Variants in MGAT4C observed in about 807,000 individuals in gnomAD.
MGAT4C encodes the protein MGAT4 family member C.
A neutral mutation model predicts 40.1 loss-of-function variants in MGAT4C; 19 were observed. The observed-to-expected ratio is 0.47, with a 90% confidence interval of 0.33 to 0.70. MGAT4C has a LOEUF of 0.70. Ranked by LOEUF, MGAT4C falls within the 30% of genes least tolerant of loss-of-function variation. The pLI is 0.02. For missense variants in MGAT4C, 491 were observed against 563.2 expected (o/e 0.87, Z 1.30); for synonymous variants, 181 against 187.1 (o/e 0.97, Z 0.27).
Position 86,244,344 on chromosome 12 carries a change from C to T in MGAT4C, c.-57+11895G>A, listed in dbSNP as rs59703999. Reference sequence around the variant, plus strand: ...CAACACCATTGGGGCAGGAGACAGACAGGGATTAGTGAAGGGGTGGGTTTC... The same window carrying T: ...CAACACCATTGGGGCAGGAGACAGATAGGGATTAGTGAAGGGGTGGGTTTC... On this transcript the variant is annotated intron_variant, in intron 1 of 4. Transcript: ENST00000611864. Among the ~76,000 whole-genome samples the T allele has an allele frequency of 2.1e-4, 32 of 152,286 alleles. No homozygotes were observed. In the East Asian group the frequency reaches 5.6e-3, roughly 27 times the overall value.
At chr12:86,749,350 A>C (rs1331256580) in intron 1 of MGAT4C, among the ~76,000 whole-genome samples, 1 of 151,694 alleles carries the variant, frequency 6.6e-6, no homozygotes, top group African/African-American at 2.4e-5. Context: ...ATATTGCATT[A>C]ATTTGCATAA....
At chr12:86,412,350 G>A (rs557542612) in intron 3 of MGAT4C, among the ~76,000 whole-genome samples, 1 of 152,330 alleles carries the variant, frequency 6.6e-6, no homozygotes, top group East Asian at 1.9e-4. Flanking sequence ...CATAGGGGCT[G>A]AGCCATGTAG....
chr12:86,089,924 T>C (rs1211045631), intron 1 of MGAT4C, among the ~76,000 whole-genome samples: 2 of 151,798 alleles, frequency 1.3e-5, no homozygotes, highest in African/African-American at 4.8e-5. Flanking sequence ...TAAAATGCAC[T>C]ATAAACATAT....
At chr12:86,307,706 T>G (rs1165600702) in intron 4 of MGAT4C, among the ~76,000 whole-genome samples, 1 of 150,268 alleles carries the variant, frequency 6.7e-6, no homozygotes. Flanking sequence ...TTTATTTTAT[T>G]TATTTATTTT....
chr12:86,278,437 C>T (rs1566253236), intron 4 of MGAT4C, among the ~76,000 whole-genome samples: 2 of 152,028 alleles, frequency 1.3e-5, no homozygotes, highest in South Asian at 2.1e-4. Flanking sequence ...CCTCGGCCTC[C>T]CAAAGTGCTG....
intron 2 of MGAT4C, among the ~76,000 whole-genome samples, chr12:86,014,445 C>T (rs1364562951): frequency 6.6e-6 from 1 of 152,104 alleles, no homozygotes; most frequent in African/African-American, 2.4e-5. Context: ...AGGTAACAAT[C>T]CTGCCTTGCT....
intron 1 of MGAT4C, among the ~76,000 whole-genome samples, chr12:86,791,485 G>A (rs1285074970): frequency 6.6e-6 from 1 of 151,616 alleles, no homozygotes; most frequent in Non-Finnish European, 1.5e-5. Flanking sequence ...AAGAGTGAGG[G>A]CAGGTTGTGG....
chr12:86,530,235 T>G (rs774354680), intron 2 of MGAT4C, among the ~76,000 whole-genome samples: 6 of 151,952 alleles, frequency 3.9e-5, no homozygotes, highest in Admixed American at 2.0e-4. Flanking sequence ...CCCCTTATAA[T>G]CCTTGGCATT....
At chr12:86,477,765 G>GC (rs1957864060) in intron 2 of MGAT4C, among the ~76,000 whole-genome samples, 2 of 151,828 alleles carry the variant, frequency 1.3e-5, no homozygotes, top group Admixed American at 1.3e-4. Flanking sequence ...CCCACAACAG[G>GC]CCCCGGTGTG....
At chr12:86,270,928 C>G (rs1952929951) in intron 4 of MGAT4C, among the ~76,000 whole-genome samples, 1 of 152,182 alleles carries the variant, frequency 6.6e-6, no homozygotes, top group African/African-American at 2.4e-5. Flanking sequence ...AGAGAACCCT[C>G]TTCAATAAAT....
chr12:86,739,528 G>T (rs1055044994), intron 1 of MGAT4C, among the ~76,000 whole-genome samples: 9 of 149,734 alleles, frequency 6.0e-5, no homozygotes, highest in Non-Finnish European at 1.0e-4. Context: ...AAAATATTTG[G>T]GGGAAAAAAA....
At chr12:86,351,804 A>G (rs1364695078) in intron 3 of MGAT4C, among the ~76,000 whole-genome samples, 2 of 152,190 alleles carry the variant, frequency 1.3e-5, no homozygotes, top group East Asian at 1.9e-4. Context: ...AGTTACATGG[A>G]AAACGCATTT....
chr12:86,814,273 C>CGT (rs1491576550), intron 1 of MGAT4C, among the ~76,000 whole-genome samples: 3 of 108,214 alleles, frequency 2.8e-5, no homozygotes, highest in African/African-American at 1.0e-4. Context: ...TATACATATA[C>CGT]GTATATATAT....
At chr12:86,552,107 A>G (rs1330126782) in intron 2 of MGAT4C, among the ~76,000 whole-genome samples, 1 of 152,050 alleles carries the variant, frequency 6.6e-6, no homozygotes, top group African/African-American at 2.4e-5. Context: ...TCATAAGGAA[A>G]AATACAAAAT....
chr12:86,033,807 A>G (rs940946128), intron 2 of MGAT4C, among the ~76,000 whole-genome samples: 2 of 149,602 alleles, frequency 1.3e-5, no homozygotes, highest in Non-Finnish European at 3.0e-5. Flanking sequence ...GAGTGGTGAA[A>G]GAGGGTATCC....
intron 1 of MGAT4C, among the ~76,000 whole-genome samples, chr12:86,775,870 G>A (rs186867027): frequency 0.014 from 2,064 of 150,594 alleles, 40 homozygotes; most frequent in African/African-American, 0.048. Context: ...TAATATATTT[G>A]TAATTACTTG....
At chr12:86,601,894 T>G (rs142490552) in intron 2 of MGAT4C, among the ~76,000 whole-genome samples, 2 of 152,216 alleles carry the variant, frequency 1.3e-5, no homozygotes, top group African/African-American at 4.8e-5. Context: ...TCAGGCTCTC[T>G]GACCCAGGGC....
intron 1 of MGAT4C, among the ~76,000 whole-genome samples, chr12:86,114,796 G>A (rs1288722107): frequency 6.6e-6 from 1 of 151,748 alleles, no homozygotes; most frequent in Non-Finnish European, 1.5e-5. Context: ...CCGCCCCCCG[G>A]CCTTCATCTT....
intron 1 of MGAT4C, among the ~76,000 whole-genome samples, chr12:86,203,975 AATAT>A (rs56952745): frequency 7.3e-6 from 1 of 137,060 alleles, no homozygotes; most frequent in Non-Finnish European, 1.6e-5. Flanking sequence ...AAAAAAAAGA[AATAT>A]ATATATATAT....
Sources: allele counts gnomAD v4.1 joint callset (sites outside exome capture counted in the v4.1 genomes callset), GRCh38; gene constraint gnomAD v4.1.1; transcripts MANE v1.5; gene names NCBI Gene and HGNC (gene_info 2026-07-23, HGNC 2026-07-21).